Variants in XK observed in about 807,000 individuals in gnomAD.
XK encodes the protein X-linked Kx blood group antigen, Kell and VPS13A binding protein.
In XK, 2 loss-of-function variants were observed where a neutral mutation model predicts 14.0. That is an observed-to-expected ratio of 0.14 (90% CI 0.06 to 0.45). XK has a LOEUF of 0.45. Ranked by LOEUF, XK falls within the 20% of genes least tolerant of loss-of-function variation. The probability of loss-of-function intolerance (pLI) is 0.98; values close to 1 mark genes in which losing one functional copy is unlikely to be tolerated. For synonymous variants in XK, 149 were observed against 147.5 expected (o/e 1.01, Z -0.08); for missense variants, 235 against 341.5 (o/e 0.69, Z 2.46).
At position 37,712,587 on chromosome X, in the gene XK, C is replaced by A. The variant is rs921659005; in HGVS notation, c.509-15049C>A. 2.7e-5 allele frequency among the ~76,000 whole-genome samples: 3 copies of A among 111,801 alleles called. No homozygotes were observed. The East Asian group carries it at 8.4e-4, about 31-fold the overall frequency. ...CCTGAGATAGCGAGAATATGGGGTACTTTTTTTCTTTCCATTTATCTGTGT... is the reference window on the plus strand; with the variant it reads ...CCTGAGATAGCGAGAATATGGGGTAATTTTTTTCTTTCCATTTATCTGTGT... On this transcript the variant is annotated intron_variant, in intron 2 of 2. Transcript: ENST00000378616.
intron 2 of XK, among the ~76,000 whole-genome samples, chrX:37,717,621 G>A (rs1927789369): frequency 9.0e-6 from 1 of 111,703 alleles, no homozygotes; most frequent in Admixed American, 9.5e-5. Flanking sequence ...GGATTATAGA[G>A]TATACAGTTA....
intron 2 of XK, among the ~76,000 whole-genome samples, chrX:37,714,140 G>A (rs1927718195): frequency 9.0e-6 from 1 of 111,438 alleles, no homozygotes; most frequent in Non-Finnish European, 1.9e-5. Context: ...GAGAATGTTA[G>A]AGGTAGAAGG....
At position 37,731,224 on chromosome X, in the gene XK, G is replaced by T. The variant is rs1387772353; in HGVS notation, c.*2762G>T. ...AATTTCAATTTTTAAATTTCTTGGT[G>T]CTTTGTCTAATTAATTACATCCCAT... On this transcript the variant is annotated 3_prime_UTR_variant, in exon 3 of 3. Coordinates refer to ENST00000378616, the MANE Select transcript of XK (RefSeq NM_021083.4). 2.7e-5 allele frequency: 3 copies of T among 112,378 alleles called. No homozygotes were observed. Among genetic ancestry groups the T allele is most frequent in the Admixed American group, 9.4e-5 (1 of 10,628 alleles). The allele number at this position is 112,378 out of a possible 1,213,427, so 9.3% of individuals were successfully genotyped here.
At chrX:37,686,645 A>C (rs1556440239) in intron 1 of XK, among the ~76,000 whole-genome samples, 1 of 111,568 alleles carries the variant, frequency 9.0e-6, no homozygotes, top group African/African-American at 3.3e-5. Flanking sequence ...AAACACATGG[A>C]GCTTACTGTG....
intron 2 of XK, among the ~76,000 whole-genome samples, chrX:37,710,262 T>C (rs1033392050): frequency 1.8e-5 from 2 of 111,533 alleles, no homozygotes; most frequent in Admixed American, 1.9e-4. Flanking sequence ...AAGTCGAGGG[T>C]GTCAACAAAG....
chrX:37,688,027 ATTTCTTTCTTTC>A (rs61667945), intron 1 of XK, among the ~76,000 whole-genome samples: 1,247 of 77,191 alleles, frequency 0.016, 20 homozygotes, highest in South Asian at 0.022. Context: ...GGCACTTATC[ATTTCTTTCTTTC>A]TTTCTTTCTT....
At chrX:37,694,229 T>C in intron 1 of XK, 57 bp from the exon 2 acceptor site, 1 of 1,200,319 alleles carries the variant, frequency 8.3e-7, no homozygotes, top group South Asian at 1.8e-5. Flanking sequence ...AGGATGAGCA[T>C]GGAAAGTCAG....
chrX:37,708,048 A>G (rs982189350), intron 2 of XK, among the ~76,000 whole-genome samples: 2 of 112,513 alleles, frequency 1.8e-5, no homozygotes, highest in Admixed American at 9.4e-5. Context: ...CACCAAAAAA[A>G]TACGAAAACC....
At chrX:37,702,365 C>T (rs782130511) in intron 2 of XK, among the ~76,000 whole-genome samples, 3 of 112,189 alleles carry the variant, frequency 2.7e-5, no homozygotes, top group South Asian at 7.5e-4. Context: ...ACATCTTCCA[C>T]ATGGCCCTAA....
At chrX:37,718,032 CCTA>C (rs1328899036) in intron 2 of XK, among the ~76,000 whole-genome samples, 6 of 111,292 alleles carry the variant, frequency 5.4e-5, no homozygotes, top group African/African-American at 2.0e-4. Context: ...TTATCGAGTG[CCTA>C]CTAAGTATAG....
At chrX:37,726,309 T>C (rs1927972181) in intron 2 of XK, among the ~76,000 whole-genome samples, 2 of 111,890 alleles carry the variant, frequency 1.8e-5, no homozygotes, top group East Asian at 5.6e-4. Flanking sequence ...TTTATTAAAA[T>C]GAATAAATAA....
intron 2 of XK, among the ~76,000 whole-genome samples, chrX:37,703,661 G>A (rs1332940214): frequency 8.9e-6 from 1 of 112,164 alleles, no homozygotes; most frequent in African/African-American, 3.2e-5. Flanking sequence ...CTCTTATAAA[G>A]TCACATGGTG....
Position 37,686,050 on chromosome X carries a change from C to T in XK, c.89C>T (p.Ser30Leu). Reference protein sequence around the residue: ...AALSLSSTYRSGGDRMWQALT... With the variant: ...AALSLSSTYRLGGDRMWQALT... ...CTCAGCCTGAGCAGCACCTACCGCT[C>T]GGGCGGGGACCGCATGTGGCAGGCG... is the stretch of plus-strand genomic sequence containing the variant. Residue 30 changes from serine to leucine, a missense_variant, in exon 1 of 3, where the codon TCG (serine) becomes TTG (leucine). Coordinates refer to ENST00000378616, the MANE Select transcript of XK (RefSeq NM_021083.4). The T allele has an allele frequency of 1.7e-6, 2 of 1,211,265 alleles. No individual in the cohort carries two copies. The highest frequency in any genetic ancestry group is 1.8e-5 in the South Asian group (1 of 56,805).
chrX:37,700,876 G>A (rs1927399867), intron 2 of XK, among the ~76,000 whole-genome samples: 1 of 110,971 alleles, frequency 9.0e-6, no homozygotes, highest in African/African-American at 3.3e-5. Flanking sequence ...AACTTCATGG[G>A]ACAGGCTTTA....
intron 2 of XK, among the ~76,000 whole-genome samples, chrX:37,703,932 T>C (rs1556444399): frequency 1.8e-5 from 2 of 112,369 alleles, no homozygotes; most frequent in Non-Finnish European, 3.8e-5. Context: ...GTGCTGATTT[T>C]ATAGTATAGG....
At position 37,687,484 on chromosome X, in the gene XK, C is replaced by T. The variant is rs782672568; in HGVS notation, c.245+1278C>T. 1.5e-3 allele frequency among the ~76,000 whole-genome samples: 158 copies of T among 108,337 alleles called. 1 individual carries two copies. The highest frequency in any genetic ancestry group is 2.0e-3 in the Non-Finnish European group (105 of 52,259). 94.1% of individuals were successfully genotyped at this position (108,337 alleles called of 115,157 possible). A position where few individuals can be genotyped will look rare whatever the true frequency, so the allele number is the denominator to read the frequency against. ...TGTATTTTTTGTAGAGACAGAGTCT[C>T]CCTATGTTGCCCAGGCTGGTCTCGA... On this transcript the variant is annotated intron_variant, in intron 1 of 2. Coordinates refer to ENST00000378616, the MANE Select transcript of XK (RefSeq NM_021083.4).
At chrX:37,715,136 A>ATG (rs57217449) in intron 2 of XK, among the ~76,000 whole-genome samples, 96 of 108,404 alleles carry the variant, frequency 8.9e-4, no homozygotes, top group East Asian at 8.4e-3. Flanking sequence ...ATATACAAAT[A>ATG]TGTGTGTGTG....
chrX:37,698,238 A>G (rs2146814833), intron 2 of XK, among the ~76,000 whole-genome samples: 1 of 111,691 alleles, frequency 9.0e-6, no homozygotes, highest in East Asian at 2.8e-4. Context: ...TGTGCCAGGC[A>G]CTGTGATAGG....
chrX:37,723,840 T>A (rs1290458350), intron 2 of XK, among the ~76,000 whole-genome samples: 1 of 111,340 alleles, frequency 9.0e-6, no homozygotes, highest in Admixed American at 9.5e-5. Context: ...TAATAATGGA[T>A]CCTTAGAGTT....
Sources: gnomAD v4.1 joint callset for allele counts (sites outside exome capture counted in the v4.1 genomes callset) on GRCh38, gnomAD v4.1.1 for gene constraint, MANE v1.5 for transcripts, NCBI Gene and HGNC (gene_info 2026-07-23, HGNC 2026-07-21) for gene names.